LIN7A: variants seen among roughly 807,000 people sequenced by gnomAD.
LIN7A encodes the protein lin-7 cell polarity scaffold A.
LIN7A carries 25 observed loss-of-function variants against 29.8 expected under a neutral mutation model. The observed-to-expected ratio is 0.84, with a 90% CI of 0.61 to 1.17. The LOEUF is 1.17. Among genes scored for constraint, LIN7A ranks in the 50% most tolerant of loss-of-function variants. The pLI is 0.00. For missense variants in LIN7A, 239 were observed against 287.0 expected (o/e 0.83, Z 1.21); for synonymous variants, 118 against 107.5 (o/e 1.10, Z -0.60).
intron 4 of LIN7A, among the ~76,000 whole-genome samples, chr12:80,839,413 C>T (rs1261637717): frequency 1.3e-5 from 2 of 152,062 alleles, no homozygotes; most frequent in Non-Finnish European, 2.9e-5. Flanking sequence ...ATAATGAATT[C>T]ATTATGTAGA....
rs1047293842 is a variant in LIN7A at position 80,884,991 on chromosome 12, T to C, written c.201+4260A>G. ...CAACTTGGAAGATGATGATAGTACA[T>C]AGATTTTTAATTTTTTTATTACTTT... On this transcript the variant is annotated intron_variant, in intron 2 of 5. Coordinates refer to ENST00000552864, the MANE Select transcript of LIN7A (RefSeq NM_004664.4). 5.9e-5 allele frequency among the ~76,000 whole-genome samples: 9 copies of C among 152,252 alleles called. No individual in the cohort carries two copies. The South Asian group carries it at 1.7e-3, about 28-fold the overall frequency.
chr12:80,916,558 T>C (rs1391312126), intron 1 of LIN7A, among the ~76,000 whole-genome samples: 4 of 152,118 alleles, frequency 2.6e-5, no homozygotes, highest in Non-Finnish European at 2.9e-5. Context: ...TTCACTAGAA[T>C]AGAAGCTTCC....
chr12:80,890,966 T>C (rs1172945553), intron 1 of LIN7A, among the ~76,000 whole-genome samples: 1 of 152,086 alleles, frequency 6.6e-6, no homozygotes, highest in African/African-American at 2.4e-5. Flanking sequence ...GAGCTCATTT[T>C]TTTTCCCCCT....
chr12:80,933,883 G>A (rs558980958), intron 1 of LIN7A, among the ~76,000 whole-genome samples: 13 of 152,140 alleles, frequency 8.5e-5, no homozygotes, highest in African/African-American at 3.1e-4. Flanking sequence ...GGCACTTGTA[G>A]TTGTTTATGT....
At chr12:80,878,603 A>C (rs746413645) in intron 2 of LIN7A, among the ~76,000 whole-genome samples, 1 of 152,204 alleles carries the variant, frequency 6.6e-6, no homozygotes, top group Non-Finnish European at 1.5e-5. Context: ...ACAGTACGGA[A>C]AGAGATCTGA....
intron 4 of LIN7A, among the ~76,000 whole-genome samples, chr12:80,837,910 T>G (rs1431259242): frequency 6.6e-6 from 1 of 152,118 alleles, no homozygotes; most frequent in African/African-American, 2.4e-5. Flanking sequence ...TTTTTTTTTG[T>G]TTACCACTCC....
At chr12:80,931,970 T>C (rs941287573) in intron 1 of LIN7A, among the ~76,000 whole-genome samples, 1 of 152,238 alleles carries the variant, frequency 6.6e-6, no homozygotes, top group Admixed American at 6.5e-5. Context: ...TTCCTTAATC[T>C]TTCTCCGTGT....
At chr12:80,907,191 C>G (rs1164796189) in intron 1 of LIN7A, among the ~76,000 whole-genome samples, 3 of 151,650 alleles carry the variant, frequency 2.0e-5, no homozygotes, top group African/African-American at 7.3e-5. Context: ...TGATAATTAC[C>G]ATATTTTCAC....
chr12:80,867,048 G>T (rs749806916), intron 2 of LIN7A, among the ~76,000 whole-genome samples: 1 of 151,944 alleles, frequency 6.6e-6, no homozygotes, highest in Non-Finnish European at 1.5e-5. Context: ...CCAAATCCTG[G>T]CTCAAGGCAT....
At chr12:80,876,811 G>C (rs998784095) in intron 2 of LIN7A, among the ~76,000 whole-genome samples, 7 of 152,132 alleles carry the variant, frequency 4.6e-5, no homozygotes, top group African/African-American at 1.7e-4. Context: ...AAAACTGTTT[G>C]ACATAGTCTC....
At chr12:80,848,903 C>T (rs1172321924) in intron 2 of LIN7A, among the ~76,000 whole-genome samples, 6 of 152,104 alleles carry the variant, frequency 3.9e-5, no homozygotes, top group Non-Finnish European at 8.8e-5. Flanking sequence ...ATTTTACATG[C>T]TTAACTCAAA....
At chr12:80,928,011 TCCATGTC>T (rs1279260331) in intron 1 of LIN7A, among the ~76,000 whole-genome samples, 1 of 152,194 alleles carries the variant, frequency 6.6e-6, no homozygotes, top group Non-Finnish European at 1.5e-5. Context: ...TCCAGCTTCA[TCCATGTC>T]CCTGCAAAGG....
intron 1 of LIN7A, among the ~76,000 whole-genome samples, chr12:80,908,896 C>G (rs928089996): frequency 1.3e-5 from 2 of 151,736 alleles, no homozygotes; most frequent in South Asian, 2.1e-4. Context: ...AATACAAATA[C>G]TTTATCGACA....
chr12:80,834,278 A>G (rs1292379464), intron 4 of LIN7A, among the ~76,000 whole-genome samples: 2 of 152,184 alleles, frequency 1.3e-5, no homozygotes, highest in Non-Finnish European at 2.9e-5. Flanking sequence ...ACAGATTTTG[A>G]CTTCAGGATC....
chr12:80,933,041 C>A (rs936080366), intron 1 of LIN7A, among the ~76,000 whole-genome samples: 1 of 152,204 alleles, frequency 6.6e-6, no homozygotes, highest in African/African-American at 2.4e-5. Flanking sequence ...ACATGTACTA[C>A]TTTCTATACC....
chr12:80,916,669 T>A (rs1473304559), intron 1 of LIN7A, among the ~76,000 whole-genome samples: 1 of 152,178 alleles, frequency 6.6e-6, no homozygotes, highest in Non-Finnish European at 1.5e-5. Flanking sequence ...TGTTGAGTGA[T>A]AAGTGAATGC....
intron 4 of LIN7A, among the ~76,000 whole-genome samples, chr12:80,819,368 T>C (rs1048095066): frequency 6.6e-6 from 1 of 152,214 alleles, no homozygotes; most frequent in African/African-American, 2.4e-5. Context: ...ATTAAAAGTA[T>C]CACATTTATC....
chr12:80,834,902 G>T (rs2121530302), intron 4 of LIN7A, among the ~76,000 whole-genome samples: 1 of 152,236 alleles, frequency 6.6e-6, no homozygotes, highest in East Asian at 1.9e-4. Context: ...TTCCAACCTT[G>T]CTTTAGGCTA....
chr12:80,842,447 T>C (rs924436820), intron 4 of LIN7A, among the ~76,000 whole-genome samples: 2 of 152,166 alleles, frequency 1.3e-5, no homozygotes, highest in African/African-American at 4.8e-5. Flanking sequence ...GAACTTATAC[T>C]AAAGTAGTTA....
Sources: allele counts gnomAD v4.1 joint callset (sites outside exome capture counted in the v4.1 genomes callset), GRCh38; gene constraint gnomAD v4.1.1; transcripts MANE v1.5; gene names NCBI Gene and HGNC (gene_info 2026-07-23, HGNC 2026-07-21).